The following ESR1 variants were observed in gnomAD, a reference collection of about 807,000 sequenced individuals.
ESR1 encodes the protein estrogen receptor 1.
Under a neutral mutation model 52.7 loss-of-function variants are expected in ESR1, and 12 were observed. The ratio of observed to expected loss-of-function variants is 0.23; its 90% CI spans 0.15 to 0.37. The LOEUF (loss-of-function observed/expected upper bound fraction) is 0.37. ESR1 is among the 10% of genes least tolerant of loss of function. The pLI is 1.00. For missense variants in ESR1, 584 were observed against 779.7 expected, an observed-to-expected ratio of 0.75 and a Z score of 2.99; for synonymous variants, 305 against 316.8, an observed-to-expected ratio of 0.96 and a Z score of 0.39.
rs113074966 is a variant in ESR1, at chr6:152,018,838, G to GAA, written c.1235+7053_1235+7054dup. Among the ~76,000 whole-genome samples, 433 of 147,426 alleles carry GAA rather than the reference G, an allele frequency of 2.9e-3. 3 individuals are homozygous for GAA. Among genetic ancestry groups the GAA allele is most frequent in the African/African-American group, 9.8e-3 (397 of 40,368 alleles). The stretch of plus-strand genomic sequence containing the variant: ...TATCATATGGAATTGAGTAAAAAAA[G>GAA]AAAAAAAAAAGGAAGCCAACACTTA... On this transcript the variant is annotated intron_variant, in intron 5 of 7. Transcript: ENST00000206249.
At chr6:151,747,398 C>A (rs1469161711) in intron 2 of ESR1, among the ~76,000 whole-genome samples, 1 of 152,096 alleles carries the variant, frequency 6.6e-6, no homozygotes, top group African/African-American at 2.4e-5. Context: ...GGTAAATACC[C>A]AGGTTTATGA....
chr6:151,682,399 T>C (rs1361318021), intron 1 of ESR1, among the ~76,000 whole-genome samples: 2 of 152,224 alleles, frequency 1.3e-5, no homozygotes, highest in African/African-American at 4.8e-5. Context: ...CATGTGTTTC[T>C]TATTCTGAGC....
At chr6:151,696,956 A>C (rs1779395342) in intron 1 of ESR1, among the ~76,000 whole-genome samples, 1 of 152,162 alleles carries the variant, frequency 6.6e-6, no homozygotes, top group South Asian at 2.1e-4. Context: ...TGCATAATGA[A>C]AGGCATGGGG....
At chr6:151,819,005 C>T (rs1756082340) in intron 1 of ESR1, among the ~76,000 whole-genome samples, 1 of 152,120 alleles carries the variant, frequency 6.6e-6, no homozygotes, top group African/African-American at 2.4e-5. Flanking sequence ...ACTATTACTC[C>T]AAGAAGCTCT....
chr6:151,867,049 A>G (rs938703279), intron 2 of ESR1, among the ~76,000 whole-genome samples: 4 of 152,194 alleles, frequency 2.6e-5, no homozygotes, highest in African/African-American at 9.7e-5. Flanking sequence ...TGTTGGGAAA[A>G]CTGACTAGCC....
chr6:151,674,138 C>T (rs1043124036), intron 1 of ESR1, among the ~76,000 whole-genome samples: 1 of 152,036 alleles, frequency 6.6e-6, no homozygotes, highest in Non-Finnish European at 1.5e-5. Flanking sequence ...AGGTTTTAAG[C>T]CTTGCATGCA....
Position 151,961,391 on chromosome 6 carries a change from C to T in ESR1, c.1096+16883C>T, listed in dbSNP as rs191132291. On this transcript the variant is annotated intron_variant, in intron 4 of 7. Transcript: ENST00000206249. ...AAGTAGGGTGAGAATTGATAATTTTCCATCTTGTCAAGAGCAGCCGTGATA... is the reference window on the plus strand; with the variant it reads ...AAGTAGGGTGAGAATTGATAATTTTTCATCTTGTCAAGAGCAGCCGTGATA... Among the ~76,000 whole-genome samples, 504 of 152,202 alleles carry T rather than the reference C, an allele frequency of 3.3e-3. 3 individuals are homozygous for T. Among genetic ancestry groups the T allele is most frequent in the Non-Finnish European group, 6.0e-3 (406 of 68,020 alleles).
chr6:152,065,283 C>T (rs1001515578), intron 6 of ESR1, among the ~76,000 whole-genome samples: 2 of 152,100 alleles, frequency 1.3e-5, no homozygotes, highest in African/African-American at 4.8e-5. Context: ...TTGGGACTTA[C>T]CGTTGAGAGA....
chr6:152,022,080 G>T (rs1368582622), intron 5 of ESR1, among the ~76,000 whole-genome samples: 1 of 152,132 alleles, frequency 6.6e-6, no homozygotes, highest in African/African-American at 2.4e-5. Flanking sequence ...TGGAAACTAG[G>T]TTTCTACTTC....
At chr6:151,785,247 TGGAGACGG>T (rs1786908971) in intron 2 of ESR1, among the ~76,000 whole-genome samples, 1 of 152,126 alleles carries the variant, frequency 6.6e-6, no homozygotes, top group Admixed American at 6.5e-5. Context: ...AAGATGAGCC[TGGAGACGG>T]GGAGTGGGAG....
intron 1 of ESR1, among the ~76,000 whole-genome samples, chr6:151,671,992 A>C (rs2115255725): frequency 6.6e-6 from 1 of 152,214 alleles, no homozygotes; most frequent in Non-Finnish European, 1.5e-5. Context: ...ACTCTCAAAA[A>C]ATATTATTTT....
At chr6:152,025,538 T>C (rs895136680) in intron 5 of ESR1, among the ~76,000 whole-genome samples, 8 of 151,944 alleles carry the variant, frequency 5.3e-5, no homozygotes, top group African/African-American at 1.9e-4. Context: ...GTTGGACAAA[T>C]GATTTCTGAT....
intron 6 of ESR1, among the ~76,000 whole-genome samples, chr6:152,071,500 T>G (rs924509993): frequency 4.6e-5 from 7 of 152,192 alleles, no homozygotes; most frequent in Non-Finnish European, 8.8e-5. Context: ...TCTGTGTGCT[T>G]GCCCATGAGA....
chr6:152,096,704 C>A (rs1269485626), intron 7 of ESR1: 1 of 455,958 alleles, frequency 2.2e-6, no homozygotes, highest in Non-Finnish European at 4.4e-6. Context: ...TCACGTCTGT[C>A]AGGTAGAGTA....
intron 4 of ESR1, among the ~76,000 whole-genome samples, chr6:151,945,420 G>A (rs2035587264): frequency 6.6e-6 from 1 of 152,182 alleles, no homozygotes; most frequent in African/African-American, 2.4e-5. Context: ...TGGCTGAAGT[G>A]ATACCTTGTT....
chr6:151,685,629 A>C (rs1439240600), upstream of ESR1, among the ~76,000 whole-genome samples: 1 of 152,174 alleles, frequency 6.6e-6, no homozygotes, highest in Non-Finnish European at 1.5e-5. Flanking sequence ...GAGAAGACTG[A>C]GGGGCAGATG....
intron 2 of ESR1, among the ~76,000 whole-genome samples, chr6:151,711,881 G>C (rs1780640994): frequency 1.3e-5 from 2 of 152,130 alleles, no homozygotes. Context: ...TTTGCCTTTT[G>C]TTGCCATTGC....
At chr6:151,982,764 A>T (rs1456484909) in intron 4 of ESR1, among the ~76,000 whole-genome samples, 3 of 152,060 alleles carry the variant, frequency 2.0e-5, no homozygotes, top group Non-Finnish European at 4.4e-5. Context: ...CTATATAAAA[A>T]AATTAGCATT....
chr6:151,700,107 G>A (rs1180758178), intron 1 of ESR1, among the ~76,000 whole-genome samples: 1 of 151,914 alleles, frequency 6.6e-6, no homozygotes, highest in East Asian at 1.9e-4. Flanking sequence ...CATTCCTAAG[G>A]TTGTTGCATG....
Sources: gnomAD v4.1 joint callset for allele counts (sites outside exome capture counted in the v4.1 genomes callset) on GRCh38, gnomAD v4.1.1 for gene constraint, MANE v1.5 for transcripts, NCBI Gene and HGNC (gene_info 2026-07-23, HGNC 2026-07-21) for gene names.